Variants in HPRT1 observed in about 807,000 individuals in gnomAD.
HPRT1 encodes the protein hypoxanthine-guanine phosphoribosyltransferase.
HPRT1 carries 4 observed loss-of-function variants against 19.0 expected under a neutral mutation model. The observed-to-expected ratio is 0.21, with a 90% CI of 0.10 to 0.48. The LOEUF (loss-of-function observed/expected upper bound fraction) is 0.48, where lower values mean the gene tolerates loss of function less well. Among genes scored for constraint, HPRT1 ranks in the 20% least tolerant of loss-of-function variants. The pLI is 0.98. For synonymous variants in HPRT1, 53 were observed against 54.9 expected (o/e 0.97, Z 0.15); for missense variants, 65 against 164.0 (o/e 0.40, Z 3.30).
chrX:134,496,713 T>G (rs2077681177), intron 6 of HPRT1, among the ~76,000 whole-genome samples: 1 of 112,049 alleles, frequency 8.9e-6, no homozygotes, highest in Non-Finnish European at 1.9e-5. Flanking sequence ...GGTTATCTAC[T>G]TAGGCTGCAC....
At chrX:134,486,151 T>C (rs1198335410) in intron 3 of HPRT1, among the ~76,000 whole-genome samples, 2 of 111,580 alleles carry the variant, frequency 1.8e-5, no homozygotes, top group Non-Finnish European at 3.8e-5. Context: ...GTGGCTGTTA[T>C]AATACTACCC....
chrX:134,460,374 G>A (rs1405916239), intron 1 of HPRT1, 36 bp downstream of exon 1: 3 of 1,040,873 alleles, frequency 2.9e-6, no homozygotes, highest in Non-Finnish European at 3.7e-6. Context: ...GGCCGGTTCA[G>A]GCCCACGCGG....
At chrX:134,488,421 G>T (rs1394586125) in intron 4 of HPRT1, among the ~76,000 whole-genome samples, 2 of 110,979 alleles carry the variant, frequency 1.8e-5, no homozygotes, top group Non-Finnish European at 3.8e-5. Flanking sequence ...ACGGGTGTGA[G>T]CCACCCTGCC....
intron 5 of HPRT1, chrX:134,492,556 G>A (rs979204496): frequency 1.8e-5 from 6 of 327,656 alleles, no homozygotes; most frequent in African/African-American, 1.3e-4. Flanking sequence ...CTGAGGGCCC[G>A]TTTTCTCACT....
chrX:134,465,384 C>T (rs1365836900), intron 1 of HPRT1, among the ~76,000 whole-genome samples: 2 of 111,090 alleles, frequency 1.8e-5, no homozygotes, highest in East Asian at 5.6e-4. Context: ...AAAATGTTTA[C>T]ATGAAGGCCA....
At chrX:134,497,886 G>A (rs755680866) in intron 6 of HPRT1, among the ~76,000 whole-genome samples, 12 of 107,673 alleles carry the variant, frequency 1.1e-4, no homozygotes, top group African/African-American at 3.7e-4. Context: ...GGCAGAGCTT[G>A]CAGTGAGCGG....
At chrX:134,469,771 T>C (rs970617347) in intron 1 of HPRT1, among the ~76,000 whole-genome samples, 3 of 112,170 alleles carry the variant, frequency 2.7e-5, no homozygotes, top group Admixed American at 9.6e-5. Flanking sequence ...ATCTTCCTGA[T>C]TTTAAAGCAC....
chrX:134,466,958 A>G (rs2077598405), intron 1 of HPRT1, among the ~76,000 whole-genome samples: 2 of 109,351 alleles, frequency 1.8e-5, no homozygotes, highest in African/African-American at 6.7e-5. Context: ...GGCTTGTCGA[A>G]TTAGATTTTG....
intron 6 of HPRT1, among the ~76,000 whole-genome samples, chrX:134,494,704 A>G (rs1415665115): frequency 8.9e-6 from 1 of 112,005 alleles, no homozygotes; most frequent in Non-Finnish European, 1.9e-5. Context: ...GCACTTGCTT[A>G]TTTTTCTACA....
chrX:134,471,563 A>AT (rs1286413356), intron 1 of HPRT1, among the ~76,000 whole-genome samples: 2 of 111,493 alleles, frequency 1.8e-5, no homozygotes, highest in Non-Finnish European at 3.8e-5. Context: ...TTTTTGGGTG[A>AT]TTTTTCCCCC....
chrX:134,489,002 G>A (rs1334510768), intron 4 of HPRT1, among the ~76,000 whole-genome samples: 3 of 112,024 alleles, frequency 2.7e-5, no homozygotes, highest in Non-Finnish European at 5.6e-5. Flanking sequence ...CAGCATGAGA[G>A]AAATAGTATG....
chrX:134,491,742 A>T (rs1202732337), intron 5 of HPRT1, among the ~76,000 whole-genome samples: 3 of 106,206 alleles, frequency 2.8e-5, no homozygotes, highest in Admixed American at 1.0e-4. Context: ...TTTAATTTTT[A>T]TTTTTTTTAA....
chrX:134,482,910 C>T (rs978558691), intron 3 of HPRT1, among the ~76,000 whole-genome samples: 1 of 109,348 alleles, frequency 9.1e-6, no homozygotes, highest in Non-Finnish European at 1.9e-5. Flanking sequence ...TATAGAAAAA[C>T]AGTTAAAAGG....
At chrX:134,491,899 TTGTG>T (rs752346123) in intron 5 of HPRT1, among the ~76,000 whole-genome samples, 31 of 100,808 alleles carry the variant, frequency 3.1e-4, no homozygotes, top group South Asian at 4.5e-4. Flanking sequence ...GCCTGGCTAA[TTGTG>T]TGTGTGTGTG....
intron 3 of HPRT1, among the ~76,000 whole-genome samples, chrX:134,477,049 AT>A (rs2077627309): frequency 2.0e-4 from 19 of 97,240 alleles, no homozygotes; most frequent in Admixed American, 9.1e-4. Context: ...ATTTTATTTT[AT>A]TTTATTTTAT....
At position 134,488,822 on chromosome X, in the gene HPRT1, A is replaced by G. The variant is rs562254988; in HGVS notation, c.385-1366A>G. The stretch of plus-strand genomic sequence containing the variant: ...CTCATACAAATGGGAAAAAAACATA[A>G]CTGTGTTACTCATTTGCTGTGTGCC... On this transcript the variant is annotated intron_variant, in intron 4 of 8. Transcript: ENST00000298556. Among the ~76,000 whole-genome samples the G allele has an allele frequency of 6.3e-5, 7 of 111,850 alleles. No homozygotes were observed. In the South Asian group the frequency reaches 2.6e-3, roughly 42 times the overall value.
At chrX:134,493,043 A>G (rs2077671739) in intron 5 of HPRT1, among the ~76,000 whole-genome samples, 1 of 111,710 alleles carries the variant, frequency 9.0e-6, no homozygotes, top group African/African-American at 3.3e-5. Context: ...TTAGAGTCCT[A>G]CTTTTGACTA....
intron 6 of HPRT1, among the ~76,000 whole-genome samples, chrX:134,496,217 C>T (rs1410008143): frequency 8.9e-6 from 1 of 112,013 alleles, no homozygotes; most frequent in African/African-American, 3.3e-5. Context: ...GTTCCAATAT[C>T]TCCACATCCT....
chrX:134,499,589 G>C (rs1205610351), intron 8 of HPRT1, among the ~76,000 whole-genome samples: 12 of 111,505 alleles, frequency 1.1e-4, no homozygotes, highest in Non-Finnish European at 1.3e-4. Flanking sequence ...CGGATCACAA[G>C]GTCAGGAGAT....
Sources: allele counts gnomAD v4.1 joint callset (sites outside exome capture counted in the v4.1 genomes callset), GRCh38; gene constraint gnomAD v4.1.1; transcripts MANE v1.5; gene names NCBI Gene and HGNC (gene_info 2026-07-23, HGNC 2026-07-21).